Variants in SNRNP40 observed in about 807,000 individuals in gnomAD.
The protein encoded by SNRNP40 is U5 small nuclear ribonucleoprotein 40 kDa protein.
Under a neutral mutation model 45.8 loss-of-function variants are expected in SNRNP40, and 21 were observed. The ratio of observed to expected loss-of-function variants is 0.46; its 90% confidence interval spans 0.32 to 0.66. The LOEUF (loss-of-function observed/expected upper bound fraction) is 0.66, where lower values mean the gene tolerates loss of function less well. SNRNP40 is among the 30% of genes least tolerant of loss of function. SNRNP40 has a pLI of 0.03. For missense variants in SNRNP40, 344 were observed against 439.1 expected (o/e 0.78, Z 1.94); for synonymous variants, 142 against 163.8 (o/e 0.87, Z 1.01).
At chr1:31,276,670 G>A (rs1306963826) in intron 5 of SNRNP40, among the ~76,000 whole-genome samples, 2 of 152,042 alleles carry the variant, frequency 1.3e-5, no homozygotes, top group African/African-American at 4.8e-5. Context: ...AGGACTGCTT[G>A]AGGCCAGGAG....
intron 4 of SNRNP40, 178 bp from the exon 5 acceptor site, chr1:31,281,674 G>T: frequency 2.1e-6 from 1 of 467,518 alleles, no homozygotes. Flanking sequence ...GCTCAATTTT[G>T]CCAAGACATT....
chr1:31,288,912 T>C (rs1646081854), intron 4 of SNRNP40, among the ~76,000 whole-genome samples: 1 of 152,190 alleles, frequency 6.6e-6, no homozygotes, highest in Non-Finnish European at 1.5e-5. Flanking sequence ...TTTGTATTTT[T>C]AGTAGAGACG....
intron 5 of SNRNP40, 61 bp from the exon 6 acceptor site, chr1:31,271,560 C>A: frequency 6.5e-7 from 1 of 1,529,294 alleles, no homozygotes. Flanking sequence ...AAGAGAATGA[C>A]ACAAGAGACA....
intron 8 of SNRNP40, chr1:31,263,482 G>A (rs1645875649): frequency 2.8e-5 from 8 of 287,424 alleles, no homozygotes; most frequent in South Asian, 2.0e-4. Flanking sequence ...CGTGGCATAT[G>A]GCACAATCTG....
intron 4 of SNRNP40, among the ~76,000 whole-genome samples, chr1:31,284,034 A>T (rs1646038239): frequency 6.6e-6 from 1 of 152,148 alleles, no homozygotes; most frequent in Non-Finnish European, 1.5e-5. Flanking sequence ...GACCAGCCTG[A>T]GCAACATGGT....
At chr1:31,292,986 C>A (rs1646117612) in intron 2 of SNRNP40, 1 of 517,572 alleles carries the variant, frequency 1.9e-6, no homozygotes, top group South Asian at 2.1e-5. Context: ...ATTCTCAAAC[C>A]AGAACAACTC....
intron 2 of SNRNP40, 183 bp downstream of exon 2, chr1:31,293,036 C>T (rs1018215463): frequency 4.9e-6 from 3 of 616,690 alleles, no homozygotes; most frequent in Non-Finnish European, 8.5e-6. Context: ...GTATTTACCC[C>T]ATGGACTCCA....
At chr1:31,264,628 C>T (rs1012899685) in intron 8 of SNRNP40, among the ~76,000 whole-genome samples, 5 of 152,128 alleles carry the variant, frequency 3.3e-5, no homozygotes, top group Non-Finnish European at 7.3e-5. Flanking sequence ...TTAATTATAG[C>T]TATTGTTATT....
chr1:31,285,100 T>A (rs1222261104), intron 4 of SNRNP40, among the ~76,000 whole-genome samples: 1 of 152,224 alleles, frequency 6.6e-6, no homozygotes, highest in Non-Finnish European at 1.5e-5. Context: ...TAATTTAGAA[T>A]TTTAGTTCCA....
At chr1:31,274,821 G>A (rs1645964045) in intron 5 of SNRNP40, among the ~76,000 whole-genome samples, 1 of 152,032 alleles carries the variant, frequency 6.6e-6, no homozygotes, top group Admixed American at 6.6e-5. Context: ...CAAGAGATTG[G>A]TGGGAACAGC....
At chr1:31,262,883 T>A (rs1290942255) in intron 8 of SNRNP40, among the ~76,000 whole-genome samples, 1 of 151,858 alleles carries the variant, frequency 6.6e-6, no homozygotes, top group South Asian at 2.1e-4. Flanking sequence ...ATGCCTGTGG[T>A]CCCAGCTACT....
chr1:31,282,769 G>A (rs180762566), intron 4 of SNRNP40, among the ~76,000 whole-genome samples: 7 of 152,120 alleles, frequency 4.6e-5, no homozygotes, highest in Non-Finnish European at 8.8e-5. Flanking sequence ...TCCACCTCAC[G>A]GGCTCAAGCA....
intron 2 of SNRNP40, 70 bp from the exon 3 acceptor site, chr1:31,292,076 T>C: frequency 9.1e-7 from 1 of 1,096,794 alleles, no homozygotes. Flanking sequence ...GAACAACAGT[T>C]CTCAGGTCAG....
intron 8 of SNRNP40, among the ~76,000 whole-genome samples, chr1:31,265,091 G>A (rs1317969001): frequency 1.3e-5 from 2 of 151,894 alleles, no homozygotes; most frequent in African/African-American, 2.4e-5. Flanking sequence ...GGTAGAGAGG[G>A]ATAGGCTTTC....
intron 4 of SNRNP40, chr1:31,282,159 G>C (rs1327754138): frequency 6.6e-6 from 1 of 151,976 alleles, no homozygotes; most frequent in East Asian, 1.9e-4. Flanking sequence ...TTCCCAGTAT[G>C]GTTTCCTAGT....
chr1:31,294,960 G>T (rs367780197), intron 1 of SNRNP40, among the ~76,000 whole-genome samples: 2 of 150,670 alleles, frequency 1.3e-5, no homozygotes, highest in African/African-American at 4.9e-5. Context: ...AAAAAAAGAA[G>T]TTACGTGCTA....
At chr1:31,290,721 C>A (rs2148391195) in intron 3 of SNRNP40, among the ~76,000 whole-genome samples, 1 of 151,568 alleles carries the variant, frequency 6.6e-6, no homozygotes, top group South Asian at 2.1e-4. Context: ...ATTAAAAATA[C>A]AAAAAAATTA....
chr1:31,292,513 T>C (rs1466337248), intron 2 of SNRNP40, among the ~76,000 whole-genome samples: 2 of 152,074 alleles, frequency 1.3e-5, no homozygotes, highest in African/African-American at 4.8e-5. Flanking sequence ...AGCCGGAACA[T>C]CCAAATCAAA....
At chr1:31,286,566 C>T (rs1414292131) in intron 4 of SNRNP40, among the ~76,000 whole-genome samples, 2 of 152,174 alleles carry the variant, frequency 1.3e-5, no homozygotes, top group African/African-American at 4.8e-5. Flanking sequence ...AGACTCCCTA[C>T]ACCAAATCAT....
Sources: allele counts gnomAD v4.1 joint callset (sites outside exome capture counted in the v4.1 genomes callset), GRCh38; gene constraint gnomAD v4.1.1; transcripts MANE v1.5; gene names NCBI Gene and HGNC (gene_info 2026-07-23, HGNC 2026-07-21).